The following CGNL1 variants were observed in gnomAD, a reference collection of about 807,000 sequenced individuals.
The protein encoded by CGNL1 is cingulin-like protein 1.
CGNL1 carries 132 observed loss-of-function variants against 141.2 expected under a neutral mutation model. The ratio of observed to expected loss-of-function variants is 0.93; its 90% CI spans 0.81 to 1.08. The LOEUF (loss-of-function observed/expected upper bound fraction) is 1.08. Among genes scored for constraint, CGNL1 ranks in the 50% least tolerant of loss-of-function variants. CGNL1 has a pLI of 0.00. For missense variants in CGNL1, 1,870 were observed against 1,588.6 expected, an observed-to-expected ratio of 1.18 and a Z score of -3.01; for synonymous variants, 690 against 622.1, an observed-to-expected ratio of 1.11 and a Z score of -1.63.
In CGNL1 at chr15:57,376,581, G is replaced by T; in HGVS notation, c.-16+14G>T. The T allele has an allele frequency of 6.5e-6, 1 of 153,624 alleles. No individual in the cohort carries two copies. Among genetic ancestry groups the T allele is most frequent in the South Asian group, 1.8e-4 (1 of 5,508 alleles). 9.5% of individuals were successfully genotyped at this position (153,624 alleles called of 1,614,324 possible). A position where few individuals can be genotyped will look rare whatever the true frequency, so the allele number is the denominator to read the frequency against. Reference sequence around the variant, plus strand: ...GCGGCGGCGGCGGTGAGTGAGCTCCGGGCTGGAGCGGGGCGGGGTGTGCGC... The same window carrying T: ...GCGGCGGCGGCGGTGAGTGAGCTCCTGGCTGGAGCGGGGCGGGGTGTGCGC... On this transcript the variant is annotated intron_variant, in intron 1 of 18. Transcript: ENST00000281282.
chr15:57,473,401 C>T (rs1439934871), intron 8 of CGNL1, among the ~76,000 whole-genome samples: 1 of 152,148 alleles, frequency 6.6e-6, no homozygotes, highest in Non-Finnish European at 1.5e-5. Flanking sequence ...ATTCATTAGA[C>T]AAGAACCAGT....
At chr15:57,535,256 A>T (rs1336112566) in intron 14 of CGNL1, among the ~76,000 whole-genome samples, 1 of 152,236 alleles carries the variant, frequency 6.6e-6, no homozygotes, top group Non-Finnish European at 1.5e-5. Context: ...ATGGCATTGC[A>T]GTAAAGCTCC....
intron 14 of CGNL1, among the ~76,000 whole-genome samples, chr15:57,540,677 A>T (rs528979035): frequency 2.6e-4 from 39 of 152,200 alleles, no homozygotes; most frequent in Admixed American, 5.9e-4. Context: ...CACCCAGTGC[A>T]CCCACCCCAG....
rs1484363212 is a variant in CGNL1 at position 57,535,980 on chromosome 15, C to G, written c.3291+4201C>G. On this transcript the variant is annotated intron_variant, in intron 14 of 18. Transcript: ENST00000281282. ...TATAAGTTCCCAGCCTGTATTAGTTCGTTCTCACACTGCTATAAGGACATA... is the reference window on the plus strand; with the variant it reads ...TATAAGTTCCCAGCCTGTATTAGTTGGTTCTCACACTGCTATAAGGACATA... 5.9e-5 allele frequency among the ~76,000 whole-genome samples: 9 copies of G among 152,184 alleles called. No individual in the cohort carries two copies. The East Asian group carries it at 1.7e-3, about 29-fold the overall frequency.
intron 8 of CGNL1, among the ~76,000 whole-genome samples, chr15:57,492,867 C>T (rs1220929766): frequency 6.6e-6 from 1 of 152,200 alleles, no homozygotes; most frequent in South Asian, 2.1e-4. Flanking sequence ...TCTCTACATG[C>T]CTCAGGCCCA....
chr15:57,444,264 G>A (rs796462736), intron 4 of CGNL1, among the ~76,000 whole-genome samples: 1 of 152,184 alleles, frequency 6.6e-6, no homozygotes, highest in Non-Finnish European at 1.5e-5. Flanking sequence ...AGTGTTGCAT[G>A]TACTCGTAGT....
At chr15:57,510,799 C>T (rs1453195706) in intron 8 of CGNL1, among the ~76,000 whole-genome samples, 1 of 152,156 alleles carries the variant, frequency 6.6e-6, no homozygotes, top group African/African-American at 2.4e-5. Flanking sequence ...AGTCCTGGGC[C>T]ATCTGGGCCT....
chr15:57,503,643 C>G (rs2064059399), intron 8 of CGNL1, among the ~76,000 whole-genome samples: 1 of 152,094 alleles, frequency 6.6e-6, no homozygotes, highest in Non-Finnish European at 1.5e-5. Context: ...TAAGACATAC[C>G]TGAAGCTGGG....
At chr15:57,456,717 A>G (rs1436926817) in intron 7 of CGNL1, among the ~76,000 whole-genome samples, 1 of 152,112 alleles carries the variant, frequency 6.6e-6, no homozygotes, top group African/African-American at 2.4e-5. Flanking sequence ...TTCCATTCCA[A>G]GGGTGACAGG....
At chr15:57,460,071 A>G (rs575076783) in intron 7 of CGNL1, among the ~76,000 whole-genome samples, 2 of 152,314 alleles carry the variant, frequency 1.3e-5, no homozygotes, top group South Asian at 2.1e-4. Context: ...GGAGATCATC[A>G]TAGATTTTGG....
At chr15:57,436,097 G>T (rs1292695643) in intron 1 of CGNL1, among the ~76,000 whole-genome samples, 3 of 152,152 alleles carry the variant, frequency 2.0e-5, no homozygotes, top group Non-Finnish European at 4.4e-5. Context: ...ACCCCAAAGA[G>T]AAACTATCTA....
chr15:57,512,404 A>T (rs2030392048), intron 8 of CGNL1, among the ~76,000 whole-genome samples: 1 of 152,172 alleles, frequency 6.6e-6, no homozygotes, highest in African/African-American at 2.4e-5. Flanking sequence ...GGGGCATGAA[A>T]ATGGGAGAGG....
At chr15:57,468,794 TA>T (rs1425254490) in intron 8 of CGNL1, among the ~76,000 whole-genome samples, 2 of 152,186 alleles carry the variant, frequency 1.3e-5, no homozygotes, top group Non-Finnish European at 2.9e-5. Flanking sequence ...TGGTGGGAGA[TA>T]ACTGAATCAT....
At chr15:57,433,390 A>T (rs2063067919) in intron 1 of CGNL1, among the ~76,000 whole-genome samples, 1 of 152,176 alleles carries the variant, frequency 6.6e-6, no homozygotes, top group Admixed American at 6.5e-5. Flanking sequence ...TAGTAAGGGG[A>T]GAAAAAATGT....
intron 8 of CGNL1, among the ~76,000 whole-genome samples, chr15:57,467,882 G>T (rs4583175): frequency 0.18 from 27,074 of 151,856 alleles, 2,566 homozygotes; most frequent in Non-Finnish European, 0.2. Context: ...TAGAGATGGG[G>T]TTTCACCATG....
At chr15:57,414,082 C>A (rs2062822728) in intron 1 of CGNL1, among the ~76,000 whole-genome samples, 1 of 152,222 alleles carries the variant, frequency 6.6e-6, no homozygotes, top group Admixed American at 6.5e-5. Context: ...GTAATATAAT[C>A]TGGCTGCTGT....
chr15:57,513,956 T>C (rs1311201363), intron 8 of CGNL1, among the ~76,000 whole-genome samples: 1 of 152,238 alleles, frequency 6.6e-6, no homozygotes, highest in Non-Finnish European at 1.5e-5. Flanking sequence ...CTACCAGCAA[T>C]GTATAAGTGG....
intron 12 of CGNL1, among the ~76,000 whole-genome samples, chr15:57,525,183 A>G (rs749992623): frequency 6.6e-6 from 1 of 152,260 alleles, no homozygotes; most frequent in Admixed American, 6.5e-5. Flanking sequence ...GTGGCGGACA[A>G]GAGTTTCACA....
intron 1 of CGNL1, among the ~76,000 whole-genome samples, chr15:57,387,757 T>C (rs2062499649): frequency 6.6e-6 from 1 of 152,250 alleles, no homozygotes; most frequent in Non-Finnish European, 1.5e-5. Context: ...TGTTTACATT[T>C]GACGCCACTG....
Sources: gnomAD v4.1 joint callset for allele counts (sites outside exome capture counted in the v4.1 genomes callset) on GRCh38, gnomAD v4.1.1 for gene constraint, MANE v1.5 for transcripts, NCBI Gene and HGNC (gene_info 2026-07-23, HGNC 2026-07-21) for gene names.